KAZN: variants seen among roughly 807,000 people sequenced by gnomAD.
KAZN encodes kazrin.
Under a neutral mutation model 87.4 loss-of-function variants are expected in KAZN, and 40 were observed. That is an observed-to-expected ratio of 0.46 (90% CI 0.36 to 0.60). The LOEUF (loss-of-function observed/expected upper bound fraction) is 0.60. Among genes scored for constraint, KAZN ranks in the 20% least tolerant of loss-of-function variants. KAZN has a pLI of 0.00. For synonymous variants in KAZN, 466 were observed against 458.3 expected (o/e 1.02, Z -0.22); for missense variants, 898 against 1,073.9 (o/e 0.84, Z 2.29).
At chr1:14,572,796 T>C (rs1674951107) in intron 2 of KAZN, among the ~76,000 whole-genome samples, 1 of 152,310 alleles carries the variant, frequency 6.6e-6, no homozygotes, top group African/African-American at 2.4e-5. Context: ...GGAGGATGTC[T>C]AGACTCATAG....
In KAZN at chr1:14,662,765, A is replaced by G. The variant is rs147504074; in HGVS notation, c.226+63542A>G. 5.1e-4 allele frequency among the ~76,000 whole-genome samples: 77 copies of G among 150,638 alleles called. 1 individual carries two copies. In the East Asian group the frequency reaches 9.4e-3, roughly 18 times the overall value. ...GGGAGGGAGGCAATTCACAAGAAAC[A>G]CCTCTCTCTCCTAAACTTCTCATTT... On this transcript the variant is annotated intron_variant, in intron 1 of 14. Transcript: ENST00000376030.
chr1:14,006,375 G>C (rs1480597571), intron 1 of KAZN, among the ~76,000 whole-genome samples: 5 of 152,172 alleles, frequency 3.3e-5, no homozygotes. Flanking sequence ...TGACAAGGAA[G>C]GGGGAGCTGG....
rs1669032401 is a variant in KAZN at position 14,480,711 on chromosome 1, A to G, written c.250-118272A>G. Among the ~76,000 whole-genome samples the G allele has an allele frequency of 4.8e-5, 7 of 145,448 alleles. No homozygotes were observed. In the South Asian group the frequency reaches 1.5e-3, roughly 31 times the overall value. The stretch of plus-strand genomic sequence containing the variant: ...ATATAAAATATATATTTTTATGTAT[A>G]TATAAACAGATACATAAATTACATA... On this transcript the variant is annotated intron_variant, in intron 2 of 16. Transcript: ENST00000636203.
chr1:14,327,790 C>T (rs931182107), intron 2 of KAZN, among the ~76,000 whole-genome samples: 1 of 152,186 alleles, frequency 6.6e-6, no homozygotes, highest in Non-Finnish European at 1.5e-5. Context: ...ACTAATCACG[C>T]ATTCTCCATA....
intron 1 of KAZN, among the ~76,000 whole-genome samples, chr1:14,808,224 CAG>C (rs1646284528): frequency 6.6e-6 from 1 of 150,548 alleles, no homozygotes; most frequent in Non-Finnish European, 1.5e-5. Context: ...GTGCAATAAA[CAG>C]AGTAAAAGTT....
chr1:14,831,369 G>A lies in KAZN; in HGVS notation c.227-129315G>A, dbSNP rs532232282. On this transcript the variant is annotated intron_variant, in intron 1 of 14. Coordinates refer to ENST00000376030, the MANE Select transcript of KAZN (RefSeq NM_201628.3). ...TGCTGCTGCTGCTGCTGCTTCTGCTGCTCCCAAGAAAGTGGGACGCCTCCC... is the reference window on the plus strand; with the variant it reads ...TGCTGCTGCTGCTGCTGCTTCTGCTACTCCCAAGAAAGTGGGACGCCTCCC... Among the ~76,000 whole-genome samples, 11 of 152,192 alleles carry A rather than the reference G, an allele frequency of 7.2e-5. No individual in the cohort carries two copies. In the South Asian group the frequency reaches 2.3e-3, roughly 32 times the overall value.
chr1:15,071,068 G>C (rs1170427614), intron 8 of KAZN, among the ~76,000 whole-genome samples: 2 of 152,104 alleles, frequency 1.3e-5, no homozygotes, highest in African/African-American at 4.8e-5. Flanking sequence ...TTATAAAAGA[G>C]TATATTCGTA....
At chr1:14,890,644 G>A (rs1654603939) in intron 1 of KAZN, among the ~76,000 whole-genome samples, 1 of 152,064 alleles carries the variant, frequency 6.6e-6, no homozygotes, top group Admixed American at 6.6e-5. Flanking sequence ...ACAGACTTCC[G>A]GGCCCCACGG....
At chr1:14,243,417 A>C (rs1283108264) in intron 2 of KAZN, among the ~76,000 whole-genome samples, 2 of 152,120 alleles carry the variant, frequency 1.3e-5, no homozygotes, top group Non-Finnish European at 2.9e-5. Flanking sequence ...AGAGTGATCT[A>C]TTGTAACATC....
intron 1 of KAZN, among the ~76,000 whole-genome samples, chr1:13,921,012 C>T (rs979398717): frequency 6.6e-6 from 1 of 152,092 alleles, no homozygotes; most frequent in South Asian, 2.1e-4. Context: ...TTTCTGTGTG[C>T]TCATTGTGTC....
At chr1:14,643,623 T>C (rs1388356085) in intron 1 of KAZN, among the ~76,000 whole-genome samples, 2 of 152,240 alleles carry the variant, frequency 1.3e-5, no homozygotes, top group African/African-American at 4.8e-5. Flanking sequence ...AGTTCTGCAG[T>C]GAACATTTGC....
chr1:15,055,539 G>A (rs2100481025), intron 4 of KAZN, among the ~76,000 whole-genome samples: 2 of 152,254 alleles, frequency 1.3e-5, no homozygotes, highest in East Asian at 3.9e-4. Flanking sequence ...CTCTTGGTGG[G>A]TAACCCCCAG....
Position 15,066,134 on chromosome 1 carries a change from C to T in KAZN, c.1222+381C>T, listed in dbSNP as rs959686152. The stretch of plus-strand genomic sequence containing the variant: ...TTTTTCTTTTTCTTTTTGTTTGGTT[C>T]GTCGGTTTGTTTTTGTTTTTGTTTT... On this transcript the variant is annotated intron_variant, in intron 8 of 14. Coordinates refer to ENST00000376030, the MANE Select transcript of KAZN (RefSeq NM_201628.3). This position sits in a 1 kb window ranked among gnomAD's most constrained non-coding sequence, Gnocchi z 4.3. 3.7e-6 allele frequency: 4 copies of T among 1,067,888 alleles called. No homozygotes were observed. Among genetic ancestry groups the T allele is most frequent in the Non-Finnish European group, 4.5e-6 (4 of 883,674 alleles). 66.2% of individuals were successfully genotyped at this position (1,067,888 alleles called of 1,614,324 possible).
intron 1 of KAZN, among the ~76,000 whole-genome samples, chr1:14,012,583 C>T (rs1460794869): frequency 2.6e-5 from 4 of 152,080 alleles, no homozygotes; most frequent in South Asian, 2.1e-4. Flanking sequence ...GGGAGGGTGA[C>T]GCGGGTGGAT....
At chr1:15,052,210 T>C (rs1302363698) in intron 4 of KAZN, among the ~76,000 whole-genome samples, 1 of 151,950 alleles carries the variant, frequency 6.6e-6, no homozygotes, top group Non-Finnish European at 1.5e-5. Context: ...TACCCGAGAC[T>C]GGGTAATTTT....
chr1:14,732,718 C>T (rs2100372310), intron 1 of KAZN, among the ~76,000 whole-genome samples: 1 of 152,204 alleles, frequency 6.6e-6, no homozygotes, highest in East Asian at 1.9e-4. Flanking sequence ...CTGGCTATTA[C>T]AATGTTAGAA....
At chr1:14,967,246 T>C (rs1451749194) in intron 2 of KAZN, among the ~76,000 whole-genome samples, 1 of 152,120 alleles carries the variant, frequency 6.6e-6, no homozygotes, top group Admixed American at 6.5e-5. Context: ...TGGCACATGG[T>C]GGTGTGGTTA....
intron 2 of KAZN, among the ~76,000 whole-genome samples, chr1:14,497,725 G>T (rs1353591068): frequency 6.6e-6 from 1 of 152,118 alleles, no homozygotes; most frequent in Non-Finnish European, 1.5e-5. Flanking sequence ...AAGACTTAGA[G>T]GGTTAGGGCT....
chr1:14,594,550 C>T (rs1242769534), upstream of KAZN, among the ~76,000 whole-genome samples: 4 of 152,178 alleles, frequency 2.6e-5, no homozygotes, highest in African/African-American at 9.7e-5. Flanking sequence ...GATAGCAAGT[C>T]CCTATGAAGT....
Sources: allele counts gnomAD v4.1 joint callset (sites outside exome capture counted in the v4.1 genomes callset), GRCh38; gene constraint gnomAD v4.1.1; non-coding constraint Gnocchi (gnomAD v3.1); transcripts MANE v1.5; gene names NCBI Gene and HGNC (gene_info 2026-07-23, HGNC 2026-07-21).